The following ADAMTSL1 variants were observed in gnomAD, a reference collection of about 807,000 sequenced individuals.
ADAMTSL1 encodes ADAMTS like 1, also known as ADAMTS-like protein 1.
Under a neutral mutation model 201.8 loss-of-function variants are expected in ADAMTSL1, and 126 were observed. The ratio of observed to expected loss-of-function variants is 0.62; its 90% CI spans 0.54 to 0.72. The LOEUF (loss-of-function observed/expected upper bound fraction) is 0.72, where lower values mean the gene tolerates loss of function less well. ADAMTSL1 is among the 30% of genes least tolerant of loss of function. The pLI is 0.00. For missense variants in ADAMTSL1, 2,679 were observed against 2,277.8 expected (o/e 1.18, Z -3.59); for synonymous variants, 1,121 against 903.4 (o/e 1.24, Z -4.32).
At chr9:18,298,881 G>A (rs979548055) in intron 2 of ADAMTSL1, among the ~76,000 whole-genome samples, 29 of 152,020 alleles carry the variant, frequency 1.9e-4, no homozygotes, top group Middle Eastern at 3.4e-3. Flanking sequence ...CGTGGTGGCG[G>A]GCGCCTGTAG....
intron 2 of ADAMTSL1, among the ~76,000 whole-genome samples, chr9:18,283,430 C>A (rs1350974295): frequency 2.0e-5 from 3 of 151,526 alleles, no homozygotes; most frequent in African/African-American, 7.3e-5. Context: ...CATAGTGAGG[C>A]CCCATCTCTA....
intron 3 of ADAMTSL1, among the ~76,000 whole-genome samples, chr9:18,546,153 A>G (rs1032060510): frequency 6.6e-6 from 1 of 152,158 alleles, no homozygotes; most frequent in African/African-American, 2.4e-5. Flanking sequence ...TAAAGAGGTT[A>G]TCTTTGAGGT....
intron 2 of ADAMTSL1, among the ~76,000 whole-genome samples, chr9:18,252,312 C>T (rs1486179519): frequency 6.6e-6 from 1 of 152,108 alleles, no homozygotes; most frequent in Non-Finnish European, 1.5e-5. Flanking sequence ...TAAATGTGCT[C>T]AACCTCATTT....
Position 18,826,284 on chromosome 9 carries a change from G to C in ADAMTSL1, c.3935G>C (p.Gly1312Ala). 1 of 1,608,968 alleles carries C rather than the reference G, an allele frequency of 6.2e-7. No individual in the cohort carries two copies. The highest frequency in any genetic ancestry group is 8.5e-7 in the Non-Finnish European group (1 of 1,178,028). The change falls in exon 22 of 29, where the codon GGA becomes GCA. Residue 1312 changes from glycine (G) to alanine (A), a missense_variant and splice_region_variant. By Grantham distance (60) the Gly-to-Ala change is moderately conservative (BLOSUM62 0). Coordinates refer to ENST00000380548, the MANE Select transcript of ADAMTSL1 (RefSeq NM_001040272.6). Reference sequence around the variant, plus strand: ...TTTTGTTTTTTTTTTTTCTTCCTAGGAGTGCCTGAAGCTGAAGTCACTTGG... The same window carrying C: ...TTTTGTTTTTTTTTTTTCTTCCTAGCAGTGCCTGAAGCTGAAGTCACTTGG... ...VNVTINCQVA[G>A]VPEAEVTWFR...
intron 2 of ADAMTSL1, among the ~76,000 whole-genome samples, chr9:18,188,362 C>G (rs985839545): frequency 6.6e-6 from 1 of 152,086 alleles, no homozygotes; most frequent in Non-Finnish European, 1.5e-5. Context: ...ATTTTGAATT[C>G]TATGGGGTCT....
chr9:18,718,476 C>G, intron 14 of ADAMTSL1: 1 of 583,038 alleles, frequency 1.7e-6, no homozygotes, highest in Admixed American at 1.9e-5. Context: ...ACATTCAAAG[C>G]AGACTTTCCA....
intron 2 of ADAMTSL1, among the ~76,000 whole-genome samples, chr9:18,506,542 C>G (rs1490205759): frequency 6.6e-6 from 1 of 152,036 alleles, no homozygotes; most frequent in African/African-American, 2.4e-5. Context: ...ACATTAAAAT[C>G]ACAAAATTCT....
intron 1 of ADAMTSL1, among the ~76,000 whole-genome samples, chr9:18,156,259 T>C (rs977466010): frequency 6.6e-6 from 1 of 151,996 alleles, no homozygotes; most frequent in Non-Finnish European, 1.5e-5. Flanking sequence ...GACTCCTCTG[T>C]GGCAGGAGAT....
intron 2 of ADAMTSL1, among the ~76,000 whole-genome samples, chr9:18,311,026 A>G (rs1834132065): frequency 6.6e-6 from 1 of 152,046 alleles, no homozygotes. Flanking sequence ...ATGCAGCCAT[A>G]AAAAATGATG....
intron 1 of ADAMTSL1, among the ~76,000 whole-genome samples, chr9:18,087,975 T>G (rs1451085605): frequency 2.0e-5 from 3 of 152,096 alleles, no homozygotes; most frequent in Non-Finnish European, 4.4e-5. Context: ...CAATCAGCCC[T>G]GGAGGTACCA....
chr9:18,535,935 G>C, intron 3 of ADAMTSL1, among the ~76,000 whole-genome samples: 1 of 152,030 alleles, frequency 6.6e-6, no homozygotes, highest in East Asian at 1.9e-4. Flanking sequence ...ATGAGATTTG[G>C]GTGGGGACAC....
In ADAMTSL1 at chr9:18,262,474, A is replaced by G. The variant is rs368379382; in HGVS notation, c.207+98493A>G. 1.1e-4 allele frequency among the ~76,000 whole-genome samples: 16 copies of G among 152,346 alleles called. No individual in the cohort carries two copies. In the East Asian group the frequency reaches 1.9e-3, roughly 18 times the overall value. On this transcript the variant is annotated intron_variant, in intron 2 of 29. Transcript: ENST00000680146. ...AAATGTATACACTGTTGGCCAAAGA[A>G]AGCATATCGTATAAGAGACATTCTT... is the stretch of plus-strand genomic sequence containing the variant.
chr9:18,319,876 G>C, intron 2 of ADAMTSL1, among the ~76,000 whole-genome samples: 1 of 152,158 alleles, frequency 6.6e-6, no homozygotes, highest in African/African-American at 2.4e-5. Context: ...ATGGAGAAGG[G>C]GAGGTTATTC....
chr9:18,372,657 A>G (rs141580530), intron 2 of ADAMTSL1, among the ~76,000 whole-genome samples: 3 of 152,330 alleles, frequency 2.0e-5, no homozygotes, highest in East Asian at 1.9e-4. Flanking sequence ...ATAAAAATAC[A>G]TAATCGCTAA....
At chr9:18,326,169 A>T (rs1834823940) in intron 2 of ADAMTSL1, among the ~76,000 whole-genome samples, 3 of 152,226 alleles carry the variant, frequency 2.0e-5, no homozygotes, top group Non-Finnish European at 1.5e-5. Context: ...TTTCAACATG[A>T]ATTTTGAAGG....
intron 2 of ADAMTSL1, among the ~76,000 whole-genome samples, chr9:18,291,993 A>T (rs936019705): frequency 6.6e-6 from 1 of 152,102 alleles, no homozygotes; most frequent in Non-Finnish European, 1.5e-5. Flanking sequence ...TGAGTGAAGT[A>T]GGTGGTAGCC....
At chr9:18,304,538 A>C (rs1232364568) in intron 2 of ADAMTSL1, among the ~76,000 whole-genome samples, 2 of 152,100 alleles carry the variant, frequency 1.3e-5, no homozygotes, top group Non-Finnish European at 2.9e-5. Context: ...AAAAACTCAC[A>C]CTTAAAAACA....
At chr9:18,022,342 T>C (rs1462992951) in intron 1 of ADAMTSL1, among the ~76,000 whole-genome samples, 1 of 152,192 alleles carries the variant, frequency 6.6e-6, no homozygotes, top group Non-Finnish European at 1.5e-5. Context: ...GCTGCTGTCC[T>C]GTATTGTTCT....
chr9:18,423,653 G>A (rs1043790074), intron 2 of ADAMTSL1, among the ~76,000 whole-genome samples: 5 of 152,182 alleles, frequency 3.3e-5, no homozygotes, highest in African/African-American at 4.8e-5. Flanking sequence ...ATGGCATTAG[G>A]CCTTGTGAGA....
Sources: allele counts gnomAD v4.1 joint callset (sites outside exome capture counted in the v4.1 genomes callset), GRCh38; gene constraint gnomAD v4.1.1; transcripts MANE v1.5; gene names NCBI Gene and HGNC (gene_info 2026-07-23, HGNC 2026-07-21).